MED12L: variants seen among roughly 807,000 people sequenced by gnomAD.
MED12L encodes mediator complex subunit 12L.
A neutral mutation model predicts 281.3 loss-of-function variants in MED12L; 60 were observed. That is an observed-to-expected ratio of 0.21 (90% CI 0.17 to 0.26). The LOEUF (loss-of-function observed/expected upper bound fraction) is 0.26. Ranked by LOEUF, MED12L falls within the 10% of genes least tolerant of loss-of-function variation. The probability of loss-of-function intolerance (pLI) is 1.00; values close to 1 mark genes in which losing one functional copy is unlikely to be tolerated. For missense variants in MED12L, 2,146 were observed against 2,680.9 expected, an observed-to-expected ratio of 0.80 and a Z score of 4.41; for synonymous variants, 974 against 987.2, an observed-to-expected ratio of 0.99 and a Z score of 0.25.
At chr3:151,330,847 T>C (rs1304129114) in intron 16 of MED12L, among the ~76,000 whole-genome samples, 2 of 152,162 alleles carry the variant, frequency 1.3e-5, no homozygotes, top group Non-Finnish European at 2.9e-5. Context: ...TACATGTATG[T>C]CTTAAACATA....
At chr3:151,377,984 C>G in intron 30 of MED12L, 28 bp from the exon 31 acceptor site, 2 of 1,555,768 alleles carry the variant, frequency 1.3e-6, no homozygotes, top group East Asian at 4.6e-5. Context: ...GATGCTTTCT[C>G]CGGTGTAACA....
In MED12L at chr3:151,190,913, C is replaced by A. The variant is rs1723888094; in HGVS notation, c.1950C>A (p.Asp650Glu). The A allele has an allele frequency of 6.2e-7, 1 of 1,613,994 alleles. No individual in the cohort carries two copies. The highest frequency in any genetic ancestry group is 1.7e-5 in the Admixed American group (1 of 59,992). Residue 650 changes from aspartate (D) to glutamate (E), a missense_variant, in exon 14 of 45, where the codon GAC becomes GAA. Coordinates refer to ENST00000687756, the MANE Select transcript of MED12L (RefSeq NM_001393769.1). ...ATGCAGATGAACACTATTCAAAGGA[C>A]CATGATGTGAAAATGGAGGTATGGC... Reference protein sequence around the residue: ...GENADEHYSKDHDVKMEEQSI... With the variant: ...GENADEHYSKEHDVKMEEQSI...
intron 2 of MED12L, among the ~76,000 whole-genome samples, chr3:151,102,094 C>T (rs892271505): frequency 1.3e-5 from 2 of 152,078 alleles, no homozygotes; most frequent in Non-Finnish European, 2.9e-5. Context: ...ACTCAGACTC[C>T]CACCCACCCT....
intron 3 of MED12L, among the ~76,000 whole-genome samples, chr3:151,120,358 TAC>T (rs1427372929): frequency 2.0e-5 from 3 of 152,250 alleles, no homozygotes; most frequent in Non-Finnish European, 4.4e-5. Flanking sequence ...TGCAGAATTA[TAC>T]AGTCTGAATT....
intron 43 of MED12L, among the ~76,000 whole-genome samples, chr3:151,422,754 T>C (rs1367290132): frequency 6.7e-6 from 1 of 150,298 alleles, no homozygotes; most frequent in Non-Finnish European, 1.5e-5. Flanking sequence ...GAGAGAAGTT[T>C]GGGAAGCCTT....
chr3:151,178,246 A>C (rs557492778), intron 11 of MED12L, among the ~76,000 whole-genome samples: 2 of 148,462 alleles, frequency 1.3e-5, no homozygotes, highest in South Asian at 4.4e-4. Context: ...CCTCCTTTGT[A>C]GTGTTTGGAA....
chr3:151,205,981 ATCAG>A (rs1457593720), intron 16 of MED12L, among the ~76,000 whole-genome samples: 2 of 151,698 alleles, frequency 1.3e-5, no homozygotes, highest in Non-Finnish European at 2.9e-5. Flanking sequence ...GATTTTTATG[ATCAG>A]TCACTTCTGC....
intron 16 of MED12L, among the ~76,000 whole-genome samples, chr3:151,220,872 A>G (rs1407921860): frequency 6.6e-6 from 1 of 152,198 alleles, no homozygotes; most frequent in Non-Finnish European, 1.5e-5. Context: ...GAAAATGTGG[A>G]AGCAACTTTG....
intron 16 of MED12L, among the ~76,000 whole-genome samples, chr3:151,309,321 A>G (rs961053941): frequency 6.6e-5 from 10 of 152,204 alleles, no homozygotes; most frequent in Admixed American, 6.5e-4. Context: ...GAGAAATAGT[A>G]ACCTGTATAT....
chr3:151,115,795 C>A (rs540812046), intron 2 of MED12L, among the ~76,000 whole-genome samples: 7 of 151,710 alleles, frequency 4.6e-5, no homozygotes, highest in African/African-American at 1.7e-4. Context: ...GGGTGGCTTA[C>A]ACCTGTAATC....
intron 16 of MED12L, among the ~76,000 whole-genome samples, chr3:151,335,916 T>C (rs1053970940): frequency 1.3e-5 from 2 of 152,354 alleles, no homozygotes; most frequent in Non-Finnish European, 2.9e-5. Flanking sequence ...TTAGCATTTC[T>C]GTTTATTTCA....
Position 151,417,318 on chromosome 3 carries a change from G to A in MED12L, c.6408+896G>A, listed in dbSNP as rs189760433. 2.5e-4 allele frequency among the ~76,000 whole-genome samples: 38 copies of A among 152,176 alleles called. No homozygotes were observed. The South Asian group carries it at 3.3e-3, about 13-fold the overall frequency. On this transcript the variant is annotated intron_variant, in intron 43 of 44. Coordinates refer to ENST00000687756, the MANE Select transcript of MED12L (RefSeq NM_001393769.1). ...CAACTTGTAGAAAAGGGGGAACAACGTGGTATAGAGATAGTACATGTGGAG... is the reference window on the plus strand; with the variant it reads ...CAACTTGTAGAAAAGGGGGAACAACATGGTATAGAGATAGTACATGTGGAG...
chr3:151,232,640 T>C (rs1731919308), intron 16 of MED12L, among the ~76,000 whole-genome samples: 2 of 152,186 alleles, frequency 1.3e-5, no homozygotes. Flanking sequence ...CTTGTGGGAA[T>C]ATGGATGGAG....
intron 2 of MED12L, among the ~76,000 whole-genome samples, chr3:151,095,866 G>A (rs554213274): frequency 1.8e-4 from 28 of 152,272 alleles, no homozygotes; most frequent in African/African-American, 6.0e-4. Flanking sequence ...CATAGTGAGA[G>A]CCGATCTCAA....
At chr3:151,162,801 T>C (rs1421999315) in intron 8 of MED12L, among the ~76,000 whole-genome samples, 4 of 152,180 alleles carry the variant, frequency 2.6e-5, no homozygotes, top group Admixed American at 2.6e-4. Flanking sequence ...CACAAGAGCA[T>C]AATGGCTTAG....
chr3:151,225,593 C>G (rs7649855), intron 16 of MED12L, among the ~76,000 whole-genome samples: 99,872 of 152,076 alleles, frequency 0.66, 33,000 homozygotes, highest in Non-Finnish European at 0.68. Context: ...AATTTTGAAA[C>G]GGACACTCAA....
chr3:151,422,152 G>A (rs1331638463), intron 43 of MED12L, among the ~76,000 whole-genome samples: 2 of 152,192 alleles, frequency 1.3e-5, no homozygotes, highest in African/African-American at 4.8e-5. Flanking sequence ...CCTGCCACTA[G>A]AGGACTTAGA....
intron 16 of MED12L, among the ~76,000 whole-genome samples, chr3:151,340,318 G>C (rs553029368): frequency 5.4e-4 from 82 of 152,168 alleles, no homozygotes; most frequent in African/African-American, 1.8e-3. Context: ...CCCTTTATCT[G>C]TATTTAAATC....
intron 2 of MED12L, among the ~76,000 whole-genome samples, chr3:151,098,408 C>A (rs1200868307): frequency 6.6e-6 from 1 of 152,190 alleles, no homozygotes; most frequent in Non-Finnish European, 1.5e-5. Flanking sequence ...CTCATTCCCT[C>A]ACAGTTCTAG....
Sources: allele counts gnomAD v4.1 joint callset (sites outside exome capture counted in the v4.1 genomes callset), GRCh38; gene constraint gnomAD v4.1.1; transcripts MANE v1.5; gene names NCBI Gene and HGNC (gene_info 2026-07-23, HGNC 2026-07-21).